CNTNAP2: variants seen among roughly 807,000 people sequenced by gnomAD.
The protein encoded by CNTNAP2 is contactin associated protein 2.
Under a neutral mutation model 155.2 loss-of-function variants are expected in CNTNAP2, and 98 were observed. That is an observed-to-expected ratio of 0.63 (90% CI 0.54 to 0.75). The LOEUF is 0.75. Among genes scored for constraint, CNTNAP2 ranks in the 30% least tolerant of loss-of-function variants. The probability of loss-of-function intolerance (pLI) is 0.00; values close to 1 mark genes in which losing one functional copy is unlikely to be tolerated. For synonymous variants in CNTNAP2, 651 were observed against 631.2 expected (o/e 1.03, Z -0.47); for missense variants, 1,727 against 1,688.1 (o/e 1.02, Z -0.40).
chr7:146,181,537 T>C (rs1259394698), intron 1 of CNTNAP2, among the ~76,000 whole-genome samples: 1 of 152,110 alleles, frequency 6.6e-6, no homozygotes, highest in East Asian at 1.9e-4. Context: ...TGATAATACA[T>C]TTTTTTCTCA....
At chr7:146,887,558 G>C (rs979501183) in intron 3 of CNTNAP2, among the ~76,000 whole-genome samples, 1 of 151,910 alleles carries the variant, frequency 6.6e-6, no homozygotes, top group Non-Finnish European at 1.5e-5. Context: ...CATTGAATCA[G>C]TTTTTCTTTC....
intron 1 of CNTNAP2, among the ~76,000 whole-genome samples, chr7:146,408,045 T>C (rs1390312295): frequency 2.6e-5 from 4 of 152,180 alleles, no homozygotes; most frequent in Admixed American, 6.6e-5. Flanking sequence ...AGGCTATTAG[T>C]AGTTAAGTTT....
intron 13 of CNTNAP2, among the ~76,000 whole-genome samples, chr7:147,679,413 G>C (rs1335081929): frequency 6.6e-6 from 1 of 151,800 alleles, no homozygotes; most frequent in African/African-American, 2.4e-5. Flanking sequence ...CATTAACAAG[G>C]ATTAAGAACA....
At position 147,203,736 on chromosome 7, in the gene CNTNAP2, A is replaced by G. The variant is rs1802966409; in HGVS notation, c.1348+71227A>G. On this transcript the variant is annotated intron_variant, in intron 8 of 23. Transcript: ENST00000361727. The stretch of plus-strand genomic sequence containing the variant: ...TATTGAAACAAAAACAGAAAAAAAT[A>G]TAAAACAGAATTCAAATTTGCAAAT... 2.0e-5 allele frequency among the ~76,000 whole-genome samples: 3 copies of G among 152,236 alleles called. No individual in the cohort carries two copies. The South Asian group carries it at 6.2e-4, about 31-fold the overall frequency.
At chr7:147,719,634 T>A (rs568703227) in intron 13 of CNTNAP2, among the ~76,000 whole-genome samples, 4 of 152,018 alleles carry the variant, frequency 2.6e-5, no homozygotes, top group Non-Finnish European at 5.9e-5. Context: ...TCTTAAATTA[T>A]CTCACTAGGT....
At chr7:146,233,175 G>A (rs1799414704) in intron 1 of CNTNAP2, among the ~76,000 whole-genome samples, 1 of 150,994 alleles carries the variant, frequency 6.6e-6, no homozygotes, top group Non-Finnish European at 1.5e-5. Flanking sequence ...AAAAAAAAGT[G>A]TTTTTTTTTA....
intron 1 of CNTNAP2, among the ~76,000 whole-genome samples, chr7:146,148,136 A>G (rs1797982444): frequency 3.9e-5 from 6 of 152,032 alleles, no homozygotes; most frequent in Non-Finnish European, 1.5e-5. Flanking sequence ...CATCACAATG[A>G]TGTTCTTTTA....
chr7:146,645,048 G>T (rs1465513963), intron 1 of CNTNAP2, among the ~76,000 whole-genome samples: 1 of 152,010 alleles, frequency 6.6e-6, no homozygotes, highest in East Asian at 1.9e-4. Context: ...TTTTAGAGCA[G>T]AAATTTTTTT....
At chr7:146,920,430 A>G (rs1273827508) in intron 3 of CNTNAP2, among the ~76,000 whole-genome samples, 1 of 152,122 alleles carries the variant, frequency 6.6e-6, no homozygotes, top group Non-Finnish European at 1.5e-5. Flanking sequence ...AAAAAAGTCA[A>G]ATACTGAAGG....
chr7:148,215,957 A>G (rs1795632125), intron 18 of CNTNAP2, among the ~76,000 whole-genome samples: 1 of 152,196 alleles, frequency 6.6e-6, no homozygotes, highest in Admixed American at 6.5e-5. Flanking sequence ...GTTTTGCACA[A>G]TATATTCTGC....
chr7:146,497,662 CT>C (rs1156825672), intron 1 of CNTNAP2, among the ~76,000 whole-genome samples: 1 of 151,650 alleles, frequency 6.6e-6, no homozygotes. Flanking sequence ...AAGAAGAGGT[CT>C]TGTCAAATTG....
At chr7:148,373,828 C>A (rs925473726) in intron 21 of CNTNAP2, among the ~76,000 whole-genome samples, 4 of 152,184 alleles carry the variant, frequency 2.6e-5, no homozygotes, top group Non-Finnish European at 5.9e-5. Flanking sequence ...GAAGAAGTAT[C>A]CAAAGGCCTC....
chr7:146,728,765 G>T (rs1351189171), intron 1 of CNTNAP2, among the ~76,000 whole-genome samples: 1 of 152,144 alleles, frequency 6.6e-6, no homozygotes, highest in Non-Finnish European at 1.5e-5. Context: ...GATCTTAAAT[G>T]AAAGGCTTAA....
chr7:146,430,140 T>C (rs1008437177), intron 1 of CNTNAP2, among the ~76,000 whole-genome samples: 2 of 151,930 alleles, frequency 1.3e-5, no homozygotes, highest in Non-Finnish European at 2.9e-5. Flanking sequence ...ATTGAGAATA[T>C]TCGCATCGAT....
intron 8 of CNTNAP2, among the ~76,000 whole-genome samples, chr7:147,241,111 T>G (rs1005730598): frequency 6.6e-6 from 1 of 152,220 alleles, no homozygotes; most frequent in African/African-American, 2.4e-5. Context: ...GAAATTTGAC[T>G]GCATAGTTAG....
At position 146,486,046 on chromosome 7, in the gene CNTNAP2, C is replaced by CTT. The variant is rs71175651; in HGVS notation, c.98-288190_98-288189dup. ...AAAAATGTACCCAACCCACAGCAGT[C>CTT]TTTTTTTTTTTTTTTTTTTTTTTTT... On this transcript the variant is annotated intron_variant, in intron 1 of 23. Transcript: ENST00000361727. Among the ~76,000 whole-genome samples, 11 of 42,572 alleles carry CTT rather than the reference C, an allele frequency of 2.6e-4. 4 individuals carry two copies. Among genetic ancestry groups the CTT allele is most frequent in the African/African-American group, 6.7e-4 (8 of 11,868 alleles). The allele number at this position is 42,572 out of a possible 152,430, so 27.9% of individuals were successfully genotyped here. A position where few individuals can be genotyped will look rare whatever the true frequency, so the allele number is the denominator to read the frequency against.
intron 1 of CNTNAP2, among the ~76,000 whole-genome samples, chr7:146,349,833 G>T (rs1287286584): frequency 6.6e-6 from 1 of 152,136 alleles, no homozygotes; most frequent in Non-Finnish European, 1.5e-5. Context: ...TCTACCGAGA[G>T]ATCCGCTGTT....
At chr7:148,054,885 T>TC (rs1304004830) in intron 15 of CNTNAP2, among the ~76,000 whole-genome samples, 2 of 150,866 alleles carry the variant, frequency 1.3e-5, no homozygotes, top group Admixed American at 6.6e-5. Flanking sequence ...AGGAATCTTT[T>TC]TTTTTTTTTT....
At chr7:147,432,908 A>G (rs1045160655) in intron 10 of CNTNAP2, among the ~76,000 whole-genome samples, 2 of 152,214 alleles carry the variant, frequency 1.3e-5, no homozygotes, top group Non-Finnish European at 2.9e-5. Context: ...TTATGATTAA[A>G]TATGCATTCG....
Sources: gnomAD v4.1 joint callset for allele counts (sites outside exome capture counted in the v4.1 genomes callset) on GRCh38, gnomAD v4.1.1 for gene constraint, MANE v1.5 for transcripts, NCBI Gene and HGNC (gene_info 2026-07-23, HGNC 2026-07-21) for gene names.